The following GABRA5 variants were observed in gnomAD, a reference collection of about 807,000 sequenced individuals.
The protein encoded by GABRA5 is gamma-aminobutyric acid type A receptor subunit alpha5.
A neutral mutation model predicts 47.3 loss-of-function variants in GABRA5; 18 were observed. The observed-to-expected ratio is 0.38, with a 90% CI of 0.26 to 0.56. The LOEUF (loss-of-function observed/expected upper bound fraction) is 0.56, where lower values mean the gene tolerates loss of function less well. Ranked by LOEUF, GABRA5 falls within the 20% of genes least tolerant of loss-of-function variation. The pLI is 0.71. For synonymous variants in GABRA5, 237 were observed against 229.3 expected, an observed-to-expected ratio of 1.03 and a Z score of -0.30; for missense variants, 365 against 599.3, an observed-to-expected ratio of 0.61 and a Z score of 4.08.
chr15:26,876,028 A>G (rs1488529431), intron 3 of GABRA5, among the ~76,000 whole-genome samples: 1 of 152,110 alleles, frequency 6.6e-6, no homozygotes, highest in African/African-American at 2.4e-5. Flanking sequence ...CAGCAGCATT[A>G]GCTGATAGGT....
chr15:26,926,387 A>G (rs1396451353), intron 7 of GABRA5, among the ~76,000 whole-genome samples: 6 of 152,216 alleles, frequency 3.9e-5, no homozygotes, highest in Non-Finnish European at 8.8e-5. Flanking sequence ...AAGAGGAATT[A>G]TAAGTGATGA....
At position 26,937,210 on chromosome 15, in the gene GABRA5, T is replaced by C. The variant is rs140682; in HGVS notation, c.606T>C (p.Val202=). Residue 202 remains valine (V), a synonymous_variant, in exon 8 of 11, where the codon GTT becomes GTC. Coordinates refer to ENST00000335625, the MANE Select transcript of GABRA5 (RefSeq NM_000810.4). ...GSYAYPNSEV[V]YVWTNGSTKS... ...ATGCGTACCCTAATTCTGAAGTCGT[T>C]TACGTCTGGACCAACGGCTCCACCA... 0.59 allele frequency: 947,135 copies of C among 1,613,496 alleles called. 281,639 individuals are homozygous for C. Among genetic ancestry groups the C allele is most frequent in the African/African-American group, 0.81 (60,659 of 74,990 alleles).
At chr15:26,869,658 A>C (rs1376294785) in intron 3 of GABRA5, among the ~76,000 whole-genome samples, 1 of 152,254 alleles carries the variant, frequency 6.6e-6, no homozygotes, top group African/African-American at 2.4e-5. Flanking sequence ...GTTCACATGC[A>C]TGAAGGACAG....
In GABRA5 at chr15:26,912,386, A is replaced by G. The variant is rs149957841; in HGVS notation, c.498-2417A>G. ...ACTTGACAAATTTGCTAACAACCATATAAAGTAACCTGTTTTCCTTTGTGT... is the reference window on the plus strand; with the variant it reads ...ACTTGACAAATTTGCTAACAACCATGTAAAGTAACCTGTTTTCCTTTGTGT... On this transcript the variant is annotated intron_variant, in intron 6 of 10. Transcript: ENST00000335625. Among the ~76,000 whole-genome samples the G allele has an allele frequency of 1.2e-4, 19 of 152,362 alleles. No homozygotes were observed. In the East Asian group the frequency reaches 2.9e-3, roughly 23 times the overall value.
intron 10 of GABRA5, among the ~76,000 whole-genome samples, chr15:26,946,764 A>G (rs1163063204): frequency 7.1e-6 from 1 of 140,870 alleles, no homozygotes; most frequent in Non-Finnish European, 1.5e-5. Context: ...CCATAATGTA[A>G]CTTACCTGTT....
intron 6 of GABRA5, among the ~76,000 whole-genome samples, chr15:26,909,256 A>G (rs1007425892): frequency 6.6e-6 from 1 of 151,688 alleles, no homozygotes; most frequent in African/African-American, 2.4e-5. Flanking sequence ...TGATTCTGAC[A>G]CTCCCATTTT....
intron 6 of GABRA5, among the ~76,000 whole-genome samples, chr15:26,897,120 G>A (rs1373360057): frequency 5.9e-5 from 9 of 152,010 alleles, no homozygotes; most frequent in Non-Finnish European, 1.0e-4. Flanking sequence ...CCATTATAGA[G>A]AATACATGAG....
chr15:26,880,040 G>A (rs1411081775), intron 3 of GABRA5, among the ~76,000 whole-genome samples: 1 of 152,148 alleles, frequency 6.6e-6, no homozygotes, highest in Non-Finnish European at 1.5e-5. Context: ...TGTCTTCTGG[G>A]CTTGTGGTCT....
intron 7 of GABRA5, among the ~76,000 whole-genome samples, chr15:26,930,826 C>T (rs1399310968): frequency 1.3e-5 from 2 of 152,022 alleles, no homozygotes; most frequent in African/African-American, 4.8e-5. Flanking sequence ...AGCAGCACCC[C>T]AGTCTTGGTG....
At chr15:26,940,902 GT>G (rs1298245906) in intron 9 of GABRA5, among the ~76,000 whole-genome samples, 1 of 152,194 alleles carries the variant, frequency 6.6e-6, no homozygotes, top group African/African-American at 2.4e-5. Context: ...ACTAAAGGCA[GT>G]TTTGCCAGTC....
At chr15:26,893,304 GT>G (rs1893068300) in intron 6 of GABRA5, among the ~76,000 whole-genome samples, 1 of 26,996 alleles carries the variant, frequency 3.7e-5, no homozygotes, top group African/African-American at 1.3e-4. Context: ...TGTGTATATG[GT>G]GTGTTGTGTG....
At chr15:26,932,542 T>C (rs1894133485) in intron 7 of GABRA5, among the ~76,000 whole-genome samples, 1 of 152,200 alleles carries the variant, frequency 6.6e-6, no homozygotes, top group Non-Finnish European at 1.5e-5. Context: ...TCAACCATTG[T>C]GAAAGACAGC....
rs374327179 is a variant in GABRA5 at position 26,888,285 on chromosome 15, G to A, written c.497+4728G>A. Among the ~76,000 whole-genome samples the A allele has an allele frequency of 2.0e-4, 31 of 152,296 alleles. No individual in the cohort carries two copies. The South Asian group carries it at 5.0e-3, about 24-fold the overall frequency. On this transcript the variant is annotated intron_variant, in intron 6 of 10. Transcript: ENST00000335625. Reference sequence around the variant, plus strand: ...GAGAGCAGCAAACATCTCCTGTTGCGTCCTCAAGAGGCTGCCTATAAAGTA... The same window carrying A: ...GAGAGCAGCAAACATCTCCTGTTGCATCCTCAAGAGGCTGCCTATAAAGTA...
In GABRA5 at chr15:26,943,354, C is replaced by T. The variant is rs41317330; in HGVS notation, c.1017C>T (p.Ala339=). 12,077 of 1,599,360 alleles carry T rather than the reference C, an allele frequency of 7.6e-3. 59 individuals carry two copies. Among genetic ancestry groups the T allele is most frequent in the Non-Finnish European group, 8.8e-3 (10,362 of 1,173,012 alleles). Residue 339 remains alanine (A), a synonymous_variant, in exon 10 of 11, where the codon GCC becomes GCT. Transcript: ENST00000335625. ...TCTTCTCGGCGCTGATAGAGTTTGC[C>T]ACGGTCAATTACTTTACCAAGAGAG... is the stretch of plus-strand genomic sequence containing the variant. ...AFVFSALIEF[A]TVNYFTKRGW...
At chr15:26,924,627 A>G (rs1365971101) in intron 7 of GABRA5, among the ~76,000 whole-genome samples, 2 of 152,074 alleles carry the variant, frequency 1.3e-5, no homozygotes, top group Non-Finnish European at 2.9e-5. Flanking sequence ...GTGTCACTCC[A>G]TCAGTGGGTT....
intron 6 of GABRA5, among the ~76,000 whole-genome samples, chr15:26,913,497 T>G (rs188961619): frequency 6.9e-4 from 105 of 152,266 alleles, no homozygotes; most frequent in Admixed American, 1.0e-3. Context: ...CAAAAATGGA[T>G]GTTTATGTTT....
intron 6 of GABRA5, among the ~76,000 whole-genome samples, chr15:26,912,727 G>A (rs1405399861): frequency 6.6e-6 from 1 of 152,184 alleles, no homozygotes; most frequent in Non-Finnish European, 1.5e-5. Flanking sequence ...CTGTTCTAGT[G>A]TTAGGTATAA....
In GABRA5 at chr15:26,939,926, C is replaced by T. The variant is rs369568018; in HGVS notation, c.726C>T (p.Gly242=). The T allele has an allele frequency of 8.1e-5, 131 of 1,613,838 alleles. 1 individual carries two copies. In the East Asian group the frequency reaches 1.4e-3, roughly 18 times the overall value. The change falls in exon 9 of 11, where the codon GGC becomes GGT. Residue 242 remains glycine, a splice_region_variant and synonymous_variant. Coordinates refer to ENST00000335625, the MANE Select transcript of GABRA5 (RefSeq NM_000810.4). The part of the protein sequence containing the change: ...VGTENISTST[G]EYTIMTAHFH... ...GTGCAGTCATTTGCTTATTTGCAGG[C>T]GAATACACAATCATGACAGCTCACT...
intron 6 of GABRA5, among the ~76,000 whole-genome samples, chr15:26,898,600 G>A (rs1203023278): frequency 1.3e-5 from 2 of 152,186 alleles, no homozygotes; most frequent in Non-Finnish European, 2.9e-5. Flanking sequence ...GACCCTGTGG[G>A]CCTTCACATC....
Sources: allele counts gnomAD v4.1 joint callset (sites outside exome capture counted in the v4.1 genomes callset), GRCh38; gene constraint gnomAD v4.1.1; transcripts MANE v1.5; gene names NCBI Gene and HGNC (gene_info 2026-07-23, HGNC 2026-07-21).